COL18A1: variants seen among roughly 807,000 people sequenced by gnomAD.
The protein encoded by COL18A1 is collagen type XVIII alpha 1 chain.
Under a neutral mutation model 168.0 loss-of-function variants are expected in COL18A1, and 133 were observed. That is an observed-to-expected ratio of 0.79 (90% CI 0.69 to 0.91). COL18A1 has a LOEUF of 0.91. COL18A1 is among the 40% of genes least tolerant of loss of function. The pLI, the probability that COL18A1 is intolerant of heterozygous loss-of-function variation, is 0.00. For synonymous variants in COL18A1, 949 were observed against 809.0 expected (o/e 1.17, Z -2.94); for missense variants, 2,126 against 1,925.4 (o/e 1.10, Z -1.95).
Position 45,513,442 on chromosome 21 carries a change from C to T in COL18A1, c.*1044C>T, listed in dbSNP as rs979785385. Reference sequence around the variant, plus strand: ...ACCCTCCTTGGGACTGAAGGGGAACCCCGGGGTGCCCACAGGCCGCCCTGC... The same window carrying T: ...ACCCTCCTTGGGACTGAAGGGGAACTCCGGGGTGCCCACAGGCCGCCCTGC... On this transcript the variant is annotated 3_prime_UTR_variant, in exon 42 of 42. Coordinates refer to ENST00000651438, the MANE Select transcript of COL18A1 (RefSeq NM_001379500.1). 6.6e-6 allele frequency: 1 copy of T among 152,230 alleles called. No individual in the cohort carries two copies. Among genetic ancestry groups the T allele is most frequent in the African/African-American group, 2.4e-5 (1 of 41,454 alleles). The allele number at this position is 152,230 out of a possible 1,614,324, so 9.4% of individuals were successfully genotyped here.
intron 2 of COL18A1, chr21:45,455,344 C>CG (rs1336713457): frequency 1.3e-6 from 1 of 760,786 alleles, no homozygotes; most frequent in Admixed American, 2.7e-5. Flanking sequence ...CTGGAACCCC[C>CG]GGGTGCTGGG....
At chr21:45,494,126 G>A (rs73228776) in intron 26 of COL18A1, 58,648 of 349,600 alleles carry the variant, frequency 0.17, 5,312 homozygotes, top group Middle Eastern at 0.21. Flanking sequence ...TGAGCCCTCC[G>A]GGGTGTTTGG....
At chr21:45,494,356 C>T in intron 26 of COL18A1, 189 bp from the exon 27 acceptor site, 1 of 736,846 alleles carries the variant, frequency 1.4e-6, no homozygotes, top group Non-Finnish European at 2.3e-6. Context: ...GGCTCCTGTC[C>T]TCCCCAGGGC....
intron 19 of COL18A1, among the ~76,000 whole-genome samples, chr21:45,489,832 TC>T (rs570641501): frequency 1.1e-4 from 10 of 91,008 alleles, no homozygotes; most frequent in Non-Finnish European, 2.2e-5. Flanking sequence ...TTCCCCGACT[TC>T]CCCCTCCCCC....
chr21:45,435,792 C>T (rs1421481149), intron 2 of COL18A1, among the ~76,000 whole-genome samples: 1 of 152,178 alleles, frequency 6.6e-6, no homozygotes, highest in Non-Finnish European at 1.5e-5. Flanking sequence ...CCGGCGCTCC[C>T]TGGCACAGGT....
At chr21:45,468,909 C>A (rs1005094888) in intron 3 of COL18A1, 123 bp downstream of exon 3, 8 of 1,056,606 alleles carry the variant, frequency 7.6e-6, no homozygotes, top group African/African-American at 1.6e-5. Context: ...CAGCTGTGGT[C>A]AGCCCGGGCC....
intron 32 of COL18A1, among the ~76,000 whole-genome samples, chr21:45,503,755 A>ATG (rs1555874196): frequency 4.5e-4 from 68 of 152,228 alleles, no homozygotes; most frequent in Admixed American, 1.9e-3. Context: ...CCTGCACATC[A>ATG]TGCACATGTA....
intron 2 of COL18A1, among the ~76,000 whole-genome samples, chr21:45,427,623 G>A (rs1018996804): frequency 1.3e-5 from 2 of 152,258 alleles, no homozygotes; most frequent in Non-Finnish European, 2.9e-5. Context: ...TCCAGGTGGG[G>A]TGGGCAGGCC....
intron 30 of COL18A1, among the ~76,000 whole-genome samples, chr21:45,496,817 G>A (rs1025183022): frequency 6.6e-6 from 1 of 152,234 alleles, no homozygotes; most frequent in Non-Finnish European, 1.5e-5. Flanking sequence ...GGGTTGCTAG[G>A]GGCACCCCCA....
intron 37 of COL18A1, chr21:45,506,755 CACCTTCCCTCTGGA>C (rs1293724049): frequency 5.5e-3 from 155 of 28,248 alleles, no homozygotes; most frequent in African/African-American, 0.032. Context: ...AGAGCCCTCC[CACCTTCCCTCTGGA>C]ACCCTCCCAC....
At chr21:45,467,244 C>T (rs2035244690) in intron 2 of COL18A1, 7 of 985,260 alleles carry the variant, frequency 7.1e-6, no homozygotes, top group Middle Eastern at 5.2e-4. Context: ...ACCGGGGCTG[C>T]GTCCTGGCTT....
At position 45,486,458 on chromosome 21, in the gene COL18A1, T is replaced by C. The variant is rs9982549; in HGVS notation, c.1702-403T>C. On this transcript the variant is annotated intron_variant, in intron 15 of 41. Coordinates refer to ENST00000651438, the MANE Select transcript of COL18A1 (RefSeq NM_001379500.1). Reference sequence around the variant, plus strand: ...AGCCTCCTCTCCTCTCTCCTCTCTTTTCCCCTCGCCTGCCCGGGAGCCAGG... The same window carrying C: ...AGCCTCCTCTCCTCTCTCCTCTCTTCTCCCCTCGCCTGCCCGGGAGCCAGG... 9.3e-3 allele frequency among the ~76,000 whole-genome samples: 257 copies of C among 27,552 alleles called. 7 individuals carry two copies. The highest frequency in any genetic ancestry group is 0.038 in the Middle Eastern group (1 of 26). The allele number at this position is 27,552 out of a possible 152,430, so 18.1% of individuals were successfully genotyped here. A position where few individuals can be genotyped will look rare whatever the true frequency, so the allele number is the denominator to read the frequency against.
chr21:45,438,387 CACACTCAG>C (rs2034276424), intron 2 of COL18A1, among the ~76,000 whole-genome samples: 1 of 151,606 alleles, frequency 6.6e-6, no homozygotes, highest in Non-Finnish European at 1.5e-5. Context: ...CACACACTCA[CACACTCAG>C]ACCCTCACAC....
intron 3 of COL18A1, among the ~76,000 whole-genome samples, chr21:45,472,451 TC>T (rs1439565635): frequency 2.6e-5 from 4 of 152,158 alleles, no homozygotes; most frequent in East Asian, 3.9e-4. Flanking sequence ...GACCTTGTGA[TC>T]CACCCGCCTC....
chr21:45,490,748 C>A (rs1158064515), intron 20 of COL18A1, 88 bp from the exon 21 acceptor site: 2 of 1,388,750 alleles, frequency 1.4e-6, no homozygotes, highest in African/African-American at 1.4e-5. Context: ...AATAAAGAAC[C>A]CCACATCTTC....
At chr21:45,475,743 C>T (rs1430969619) in intron 5 of COL18A1, among the ~76,000 whole-genome samples, 1 of 141,938 alleles carries the variant, frequency 7.0e-6, no homozygotes, top group Non-Finnish European at 1.5e-5. Flanking sequence ...GCCTGGCCGC[C>T]GCGTGTCTCT....
In COL18A1 at chr21:45,502,047, C is replaced by CAA. The variant is rs1312328512; in HGVS notation, c.2684-1963_2684-1962insAA. On this transcript the variant is annotated intron_variant, in intron 32 of 41. Transcript: ENST00000651438. ...GCAGAAGGACCCTCAGGGGCCTCCG[C>CAA]AGCCGGTCACCTCCCTCTGCCGAAG... is the stretch of plus-strand genomic sequence containing the variant. Among the ~76,000 whole-genome samples the CAA allele has an allele frequency of 7.4e-5, 6 of 80,894 alleles. 2 individuals carry two copies. Among genetic ancestry groups the CAA allele is most frequent in the South Asian group, 7.5e-4 (2 of 2,658 alleles). 53.1% of individuals were successfully genotyped at this position (80,894 alleles called of 152,430 possible). A position where few individuals can be genotyped will look rare whatever the true frequency, so the allele number is the denominator to read the frequency against.
At chr21:45,508,353 A>AGTGGGTGAGTGGATGGGTGGATGGACAG (rs1242306041) in intron 38 of COL18A1, among the ~76,000 whole-genome samples, 2 of 140,426 alleles carry the variant, frequency 1.4e-5, no homozygotes, top group Admixed American at 7.0e-5. Flanking sequence ...ATGGTGGACA[A>AGTGGGTGAGTGGATGGGTGGATGGACAG]GTGGGTGAGT....
intron 3 of COL18A1, among the ~76,000 whole-genome samples, 193 bp downstream of exon 3, chr21:45,468,979 C>G (rs550639446): frequency 6.6e-6 from 1 of 152,144 alleles, no homozygotes; most frequent in Non-Finnish European, 1.5e-5. Context: ...GCAGGCCTCC[C>G]GGGTTCTTGG....
Sources: allele counts gnomAD v4.1 joint callset (sites outside exome capture counted in the v4.1 genomes callset), GRCh38; gene constraint gnomAD v4.1.1; transcripts MANE v1.5; gene names NCBI Gene and HGNC (gene_info 2026-07-23, HGNC 2026-07-21).